Variants in ESRRG observed in about 807,000 individuals in gnomAD.
The protein encoded by ESRRG is estrogen related receptor gamma.
ESRRG carries 13 observed loss-of-function variants against 44.0 expected under a neutral mutation model. The observed-to-expected ratio is 0.30, with a 90% CI of 0.19 to 0.47. The LOEUF (loss-of-function observed/expected upper bound fraction) is 0.47. ESRRG is among the 20% of genes least tolerant of loss of function. The pLI, the probability that ESRRG is intolerant of heterozygous loss-of-function variation, is 1.00. For missense variants in ESRRG, 395 were observed against 580.6 expected, an observed-to-expected ratio of 0.68 and a Z score of 3.29; for synonymous variants, 215 against 214.6, an observed-to-expected ratio of 1.00 and a Z score of -0.02.
intron 2 of ESRRG, among the ~76,000 whole-genome samples, chr1:216,814,448 GC>G (rs1247605056): frequency 3.3e-5 from 5 of 152,146 alleles, no homozygotes; most frequent in Non-Finnish European, 7.4e-5. Context: ...AAATTAATAA[GC>G]AGTTGTTTAG....
intron 1 of ESRRG, among the ~76,000 whole-genome samples, chr1:216,970,457 C>T (rs1314747011): frequency 1.3e-5 from 2 of 152,158 alleles, no homozygotes; most frequent in Non-Finnish European, 2.9e-5. Context: ...AGCACAATGG[C>T]TACCTAGCTC....
At chr1:216,915,312 A>T (rs2061013293) in intron 2 of ESRRG, among the ~76,000 whole-genome samples, 1 of 152,214 alleles carries the variant, frequency 6.6e-6, no homozygotes, top group Admixed American at 6.5e-5. Flanking sequence ...CCCAAGAGCC[A>T]GGTGGTCCCT....
chr1:216,546,945 C>A (rs191494347), intron 5 of ESRRG, among the ~76,000 whole-genome samples: 1 of 151,754 alleles, frequency 6.6e-6, no homozygotes, highest in Non-Finnish European at 1.5e-5. Flanking sequence ...CCTAATGCTA[C>A]CCCTCCCCTA....
At chr1:217,130,048 T>C (rs1311087140) in intron 1 of ESRRG, among the ~76,000 whole-genome samples, 1 of 152,180 alleles carries the variant, frequency 6.6e-6, no homozygotes. Context: ...CTTCTTCCTA[T>C]ACAAAATAAT....
chr1:216,608,462 T>C (rs1037757861), intron 3 of ESRRG, among the ~76,000 whole-genome samples: 4 of 152,210 alleles, frequency 2.6e-5, no homozygotes, highest in African/African-American at 9.6e-5. Flanking sequence ...GAGATACTTC[T>C]AGACATCTAA....
chr1:216,568,604 A>G (rs2060110796), intron 3 of ESRRG, among the ~76,000 whole-genome samples: 2 of 152,182 alleles, frequency 1.3e-5, no homozygotes, highest in East Asian at 3.9e-4. Flanking sequence ...CCAGAATTAC[A>G]CTACACAGAT....
At position 216,764,202 on chromosome 1, in the gene ESRRG, C is replaced by T. The variant is rs139869125; in HGVS notation, c.-13-86711G>A. 2.2e-3 allele frequency among the ~76,000 whole-genome samples: 328 copies of T among 151,722 alleles called. 2 individuals are homozygous for T. The highest frequency in any genetic ancestry group is 7.7e-3 in the African/African-American group (317 of 41,330). ...TCTTTTTTTTTCTTTCTCTCCCCCACTGCCCCCCTTTTTTAAAATTAGAGA... is the reference window on the plus strand; with the variant it reads ...TCTTTTTTTTTCTTTCTCTCCCCCATTGCCCCCCTTTTTTAAAATTAGAGA... On this transcript the variant is annotated intron_variant, in intron 2 of 7. Coordinates refer to the ESRRG transcript ENST00000359162.
chr1:216,713,559 GA>G lies in ESRRG; in HGVS notation c.56+9684del, dbSNP rs2084119273. On this transcript the variant is annotated intron_variant, in intron 1 of 6. Coordinates refer to ENST00000408911, the MANE Select transcript of ESRRG (RefSeq NM_001438.4). The stretch of plus-strand genomic sequence containing the variant: ...GGCATAACTGCATCTTCTAACATCA[GA>G]AATGATGTTTAATAGAATTGGAGTG... Among the ~76,000 whole-genome samples the G allele has an allele frequency of 2.6e-5, 4 of 152,280 alleles. No homozygotes were observed. In the South Asian group the frequency reaches 8.3e-4, roughly 32 times the overall value.
intron 2 of ESRRG, among the ~76,000 whole-genome samples, chr1:216,811,488 C>T (rs771822204): frequency 6.6e-6 from 1 of 152,088 alleles, no homozygotes; most frequent in Non-Finnish European, 1.5e-5. Context: ...TAAGTACGCG[C>T]ACTTGCAAAA....
At chr1:216,924,354 A>G (rs919187155) in intron 2 of ESRRG, among the ~76,000 whole-genome samples, 3 of 152,170 alleles carry the variant, frequency 2.0e-5, no homozygotes, top group Non-Finnish European at 4.4e-5. Flanking sequence ...GCAGCCCTCG[A>G]GAGCAATGGC....
intron 1 of ESRRG, among the ~76,000 whole-genome samples, chr1:216,696,824 T>G (rs966147984): frequency 1.3e-5 from 2 of 152,228 alleles, no homozygotes; most frequent in East Asian, 1.9e-4. Flanking sequence ...CAGTCATCTG[T>G]TAAATAAAAT....
chr1:216,781,461 T>C (rs2093932524), intron 2 of ESRRG, among the ~76,000 whole-genome samples: 1 of 152,048 alleles, frequency 6.6e-6, no homozygotes, highest in Non-Finnish European at 1.5e-5. Context: ...CATCCAACAA[T>C]GGATTTACCT....
intron 3 of ESRRG, among the ~76,000 whole-genome samples, chr1:216,634,037 T>G (rs1031282034): frequency 8.5e-5 from 13 of 152,186 alleles, no homozygotes; most frequent in African/African-American, 3.1e-4. Flanking sequence ...CAGAAGGTAT[T>G]AGCCAGCATT....
In ESRRG at chr1:216,670,231, G is replaced by A. The variant is rs11572697; in HGVS notation, c.472+6845C>T. Among the ~76,000 whole-genome samples, 390 of 152,278 alleles carry A rather than the reference G, an allele frequency of 2.6e-3. 2 individuals are homozygous for A. Among genetic ancestry groups the A allele is most frequent in the Non-Finnish European group, 3.0e-3 (206 of 68,020 alleles). On this transcript the variant is annotated intron_variant, in intron 2 of 6. Coordinates refer to ENST00000408911, the MANE Select transcript of ESRRG (RefSeq NM_001438.4). ...TCTAAGACTGAAACAGCACATGATG[G>A]CAAAAGAAATGCAACACCAGGAAAG...
At chr1:216,526,489 T>G (rs973961092) in intron 5 of ESRRG, among the ~76,000 whole-genome samples, 2 of 152,072 alleles carry the variant, frequency 1.3e-5, no homozygotes, top group African/African-American at 4.8e-5. Flanking sequence ...GAGAGAAGCA[T>G]GGACCAGACT....
intron 5 of ESRRG, among the ~76,000 whole-genome samples, chr1:216,534,866 A>G (rs888357868): frequency 2.6e-5 from 4 of 152,152 alleles, no homozygotes; most frequent in African/African-American, 9.6e-5. Flanking sequence ...CATCAGCCTC[A>G]TGTTGGCTCG....
intron 5 of ESRRG, among the ~76,000 whole-genome samples, chr1:216,524,712 T>C (rs576897736): frequency 6.6e-6 from 1 of 152,274 alleles, no homozygotes; most frequent in East Asian, 1.9e-4. Flanking sequence ...ACATTGATTT[T>C]ATGGAACTAT....
chr1:216,586,645 C>T (rs985829786), intron 3 of ESRRG, among the ~76,000 whole-genome samples: 8 of 147,480 alleles, frequency 5.4e-5, no homozygotes, highest in Non-Finnish European at 7.4e-5. Context: ...GGCACCATCT[C>T]GGCTTACTGC....
chr1:216,644,276 T>C (rs986463465), intron 3 of ESRRG, among the ~76,000 whole-genome samples: 2 of 152,166 alleles, frequency 1.3e-5, no homozygotes. Flanking sequence ...ATCTGGAACA[T>C]GGGCACTCAC....
Sources: allele counts gnomAD v4.1 joint callset (sites outside exome capture counted in the v4.1 genomes callset), GRCh38; gene constraint gnomAD v4.1.1; transcripts MANE v1.5; gene names NCBI Gene and HGNC (gene_info 2026-07-23, HGNC 2026-07-21).